KRT73: variants seen among roughly 807,000 people sequenced by gnomAD.
The protein encoded by KRT73 is keratin 73, also known as keratin, type II cytoskeletal 73.
Under a neutral mutation model 47.2 loss-of-function variants are expected in KRT73, and 44 were observed. The ratio of observed to expected loss-of-function variants is 0.93; its 90% CI spans 0.73 to 1.20. The LOEUF (loss-of-function observed/expected upper bound fraction) is 1.20. Ranked by LOEUF, KRT73 falls within the 50% of genes most tolerant of loss-of-function variation. The pLI is 0.00. For synonymous variants in KRT73, 285 were observed against 291.3 expected (o/e 0.98, Z 0.22); for missense variants, 713 against 704.5 (o/e 1.01, Z -0.14).
At position 52,615,313 on chromosome 12, in the gene KRT73, G is replaced by A. The variant is rs1241744743; in HGVS notation, c.689C>T (p.Thr230Ile). ...CACCACAAATTCATTCTCAGCAGTT[G>A]TGCGCTTGTTTATTTCTTCTTCATA... ...KRYEEEINKR[T>I]TAENEFVVLK... The change falls in exon 3 of 9, where the codon ACA becomes ATA. Residue 230 changes from threonine (T) to isoleucine (I), a missense_variant. Physicochemically the swap from Thr to Ile is moderately conservative, Grantham distance 89. Coordinates refer to ENST00000305748, the MANE Select transcript of KRT73 (RefSeq NM_175068.3). 2.5e-6 allele frequency: 4 copies of A among 1,613,904 alleles called. No homozygotes were observed. Among genetic ancestry groups the A allele is most frequent in the Non-Finnish European group, 3.4e-6 (4 of 1,179,956 alleles).
In KRT73 at chr12:52,616,202, C is replaced by T. The variant is rs1393558390; in HGVS notation, c.626G>A (p.Arg209Lys). ...GDRVRLDSEL[R>K]SVREVVEDYK... The stretch of plus-strand genomic sequence containing the variant: ...GTCCTCCACCACTTCGCGCACGCTC[C>T]TCAGCTCCGAGTCCAGCCTCACCCT... Residue 209 changes from arginine to lysine, a missense_variant, in exon 2 of 9, where the codon AGG becomes AAG. Arg to Lys is a conservative substitution (Grantham distance 26). Coordinates refer to ENST00000305748, the MANE Select transcript of KRT73 (RefSeq NM_175068.3). 6.2e-7 allele frequency: 1 copy of T among 1,614,012 alleles called. No individual in the cohort carries two copies. Among genetic ancestry groups the T allele is most frequent in the Non-Finnish European group, 8.5e-7 (1 of 1,180,020 alleles).
Position 52,608,180 on chromosome 12 carries a change from G to C in KRT73, c.*16C>G. On this transcript the variant is annotated 3_prime_UTR_variant, in exon 9 of 9. Coordinates refer to ENST00000305748, the MANE Select transcript of KRT73 (RefSeq NM_175068.3). ...AGGGCAAGGCAGACTACTGGGAAAT[G>C]GGCTGTGTTGCACTTTTATCTCATG... 1 of 1,600,848 alleles carries C rather than the reference G, an allele frequency of 6.2e-7. No individual in the cohort carries two copies. Among genetic ancestry groups the C allele is most frequent in the Non-Finnish European group, 8.5e-7 (1 of 1,172,666 alleles).
At position 52,614,568 on chromosome 12, in the gene KRT73, G is replaced by A. The variant is rs1940771550; in HGVS notation, c.819+11C>T. 6 of 1,609,518 alleles carry A rather than the reference G, an allele frequency of 3.7e-6. No individual in the cohort carries two copies. The South Asian group carries it at 5.5e-5, about 15-fold the overall frequency. On this transcript the variant is annotated intron_variant, in intron 4 of 8. Coordinates refer to ENST00000305748, the MANE Select transcript of KRT73 (RefSeq NM_175068.3). ...AAGACAGAGCCAGAGGTGGGGCAGG[G>A]GGAGCCTTACCCCCTCGTACAGACA...
chr12:52,618,589 G>A, upstream of KRT73: 1 of 1,498,852 alleles, frequency 6.7e-7, no homozygotes, highest in African/African-American at 1.4e-5. Context: ...TCACCAGCCT[G>A]TGATCCTGGG....
In KRT73 at chr12:52,614,177, A is replaced by G. The variant is rs1592243953; in HGVS notation, c.820-325T>C. 9 of 345,460 alleles carry G rather than the reference A, an allele frequency of 2.6e-5. No individual in the cohort carries two copies. The East Asian group carries it at 4.9e-4, about 19-fold the overall frequency. The allele number at this position is 345,460 out of a possible 1,614,324, so 21.4% of individuals were successfully genotyped here. Reference sequence around the variant, plus strand: ...CACAGGAGCCCAGAAATGCTTGGCCAATAGGTTGAGGCTTGAAACCAGATG... The same window carrying G: ...CACAGGAGCCCAGAAATGCTTGGCCGATAGGTTGAGGCTTGAAACCAGATG... On this transcript the variant is annotated intron_variant, in intron 4 of 8. Coordinates refer to ENST00000305748, the MANE Select transcript of KRT73 (RefSeq NM_175068.3).
chr12:52,618,175 A>G lies in KRT73; in HGVS notation c.350T>C (p.Leu117Pro). 1 of 1,614,008 alleles carries G rather than the reference A, an allele frequency of 6.2e-7. No individual in the cohort carries two copies. Among genetic ancestry groups the G allele is most frequent in the Admixed American group, 1.7e-5 (1 of 60,012 alleles). The change falls in exon 1 of 9, where the codon CTG becomes CCG. Residue 117 changes from leucine (L) to proline (P), a missense_variant. Physicochemically the swap from Leu to Pro is moderately conservative, Grantham distance 98. Coordinates refer to ENST00000305748, the MANE Select transcript of KRT73 (RefSeq NM_175068.3). ...GATTTCAGGGTCCAGCTCCACGTTC[A>G]GGGGTGCCAGGAGGCTCTTGTTGAT... The part of the protein sequence containing the change: ...VTINKSLLAP[L>P]NVELDPEIQK...
At chr12:52,617,893 C>T (rs763816211) in intron 1 of KRT73, among the ~76,000 whole-genome samples, 185 bp downstream of exon 1, 27 of 152,164 alleles carry the variant, frequency 1.8e-4, no homozygotes, top group Middle Eastern at 3.2e-3. Flanking sequence ...AGGGGCTCTA[C>T]GGCATGAGCA....
At chr12:52,612,073 G>T (rs1940714627) in intron 5 of KRT73, among the ~76,000 whole-genome samples, 2 of 152,120 alleles carry the variant, frequency 1.3e-5, no homozygotes, top group Admixed American at 1.3e-4. Context: ...TGCCTAGTTG[G>T]TGCTCAAAAA....
intron 5 of KRT73, chr12:52,612,737 T>A (rs1592243210): frequency 6.6e-6 from 1 of 152,154 alleles, no homozygotes; most frequent in African/African-American, 2.4e-5. Flanking sequence ...TTTCCCAGAG[T>A]CACCTTCTGA....
chr12:52,608,543 A>T, intron 8 of KRT73, 91 bp from the exon 9 acceptor site: 1 of 1,147,052 alleles, frequency 8.7e-7, no homozygotes, highest in Non-Finnish European at 1.2e-6. Context: ...CCACTAGCTT[A>T]AATACCTCCT....
At chr12:52,619,496 C>G (rs1330194239), upstream of KRT73, among the ~76,000 whole-genome samples, 2 of 152,198 alleles carry the variant, frequency 1.3e-5, no homozygotes, top group African/African-American at 2.4e-5. Flanking sequence ...CAGGCCCCAG[C>G]CTTGAGGACT....
the KRT73 span, among the ~76,000 whole-genome samples, chr12:52,630,619 GA>G: frequency 1.4e-4 from 22 of 151,730 alleles, no homozygotes; most frequent in East Asian, 3.9e-3. Context: ...AGAAAAATTG[GA>G]AAAAAAATCT....
intron 5 of KRT73, chr12:52,612,354 A>C (rs680447): frequency 0.32 from 48,747 of 152,114 alleles, 7,978 homozygotes; most frequent in South Asian, 0.42. Flanking sequence ...CAGAGAGTAC[A>C]TCAGTTCTAC....
chr12:52,609,144 G>T, intron 8 of KRT73, 103 bp downstream of exon 8: 1 of 1,007,956 alleles, frequency 9.9e-7, no homozygotes, highest in Non-Finnish European at 1.6e-6. Flanking sequence ...GTGGTCAACA[G>T]GCAGAGCCAA....
At position 52,613,783 on chromosome 12, in the gene KRT73, G is replaced by C. The variant is rs775909863; in HGVS notation, c.889C>G (p.Leu297Val). The change falls in exon 5 of 9, where the codon CTG becomes GTG. Residue 297 changes from leucine to valine, a missense_variant. By Grantham distance (32) the Leu-to-Val change is conservative. Transcript: ENST00000305748. Reference protein sequence around the residue: ...IILSMDNNRNLDLDSIIAEVR... With the variant: ...IILSMDNNRNVDLDSIIAEVR... The stretch of plus-strand genomic sequence containing the variant: ...TCAGCAATGATGCTGTCCAGGTCCA[G>C]GTTCCGGTTGTTGTCCATGGACAGG... The C allele has an allele frequency of 6.2e-7, 1 of 1,614,240 alleles. No individual in the cohort carries two copies.
intron 4 of KRT73, chr12:52,614,206 A>G (rs944328965): frequency 3.0e-6 from 1 of 338,410 alleles, no homozygotes; most frequent in East Asian, 5.8e-5. Flanking sequence ...CCAGATGTAC[A>G]TAGAGAAGGC....
chr12:52,607,964 T>A lies in KRT73; in HGVS notation c.*232A>T. 2 of 514,922 alleles carry A rather than the reference T, an allele frequency of 3.9e-6. No homozygotes were observed. Among genetic ancestry groups the A allele is most frequent in the Non-Finnish European group, 6.8e-6 (2 of 293,470 alleles). 31.9% of individuals were successfully genotyped at this position (514,922 alleles called of 1,614,324 possible). A position where few individuals can be genotyped will look rare whatever the true frequency, so the allele number is the denominator to read the frequency against. On this transcript the variant is annotated 3_prime_UTR_variant, in exon 9 of 9. Transcript: ENST00000305748. ...CAAGTCTTCTTCCAGAAGGGGAGGC[T>A]GAGTTAAAAGGCCTCTTTGGATGGA... is the stretch of plus-strand genomic sequence containing the variant.
intron 6 of KRT73, 60 bp downstream of exon 6, chr12:52,611,144 G>A (rs556929133): frequency 1.3e-6 from 2 of 1,588,908 alleles, no homozygotes; most frequent in Admixed American, 3.5e-5. Context: ...GGGGGCAGGG[G>A]GTGCTAAGCA....
At chr12:52,629,961 C>A in the KRT73 span, among the ~76,000 whole-genome samples, 1 of 152,174 alleles carries the variant, frequency 6.6e-6, no homozygotes, top group African/African-American at 2.4e-5. Flanking sequence ...ATGCCTTCCA[C>A]CCTTTCCAAG....
Sources: gnomAD v4.1 joint callset for allele counts (sites outside exome capture counted in the v4.1 genomes callset) on GRCh38, gnomAD v4.1.1 for gene constraint, MANE v1.5 for transcripts, NCBI Gene and HGNC (gene_info 2026-07-23, HGNC 2026-07-21) for gene names.